CASK: variants seen among roughly 807,000 people sequenced by gnomAD.
CASK encodes calcium/calmodulin dependent serine protein kinase.
CASK carries 4 observed loss-of-function variants against 82.9 expected under a neutral mutation model. The observed-to-expected ratio is 0.05, with a 90% CI of 0.02 to 0.11. The LOEUF (loss-of-function observed/expected upper bound fraction) is 0.11, where lower values mean the gene tolerates loss of function less well. Ranked by LOEUF, CASK falls within the 10% of genes least tolerant of loss-of-function variation. CASK has a pLI of 1.00. For synonymous variants in CASK, 259 were observed against 253.5 expected, an observed-to-expected ratio of 1.02 and a Z score of -0.20; for missense variants, 358 against 720.9, an observed-to-expected ratio of 0.50 and a Z score of 5.76.
intron 12 of CASK, among the ~76,000 whole-genome samples, chrX:41,590,510 CAAAAAA>C (rs763695085): frequency 3.2e-5 from 1 of 31,321 alleles, no homozygotes; most frequent in Non-Finnish European, 5.3e-5. Flanking sequence ...ATTCCGTCTC[CAAAAAA>C]AAAAAAAAAA....
intron 1 of CASK, among the ~76,000 whole-genome samples, chrX:41,883,625 C>T (rs777153109): frequency 9.0e-6 from 1 of 111,664 alleles, no homozygotes; most frequent in South Asian, 3.8e-4. Context: ...AAAATATCGA[C>T]ATTTTTTGAC....
chrX:41,800,506 T>G (rs1220329104), intron 2 of CASK, among the ~76,000 whole-genome samples: 3 of 111,096 alleles, frequency 2.7e-5, no homozygotes, highest in Non-Finnish European at 5.7e-5. Flanking sequence ...TTTCTTTTCT[T>G]TTATTATTAT....
intron 3 of CASK, among the ~76,000 whole-genome samples, chrX:41,779,871 G>A (rs1209044279): frequency 9.1e-6 from 1 of 110,176 alleles, no homozygotes; most frequent in African/African-American, 3.3e-5. Flanking sequence ...TAAAAAAAGA[G>A]CTTTCAGTTT....
intron 16 of CASK, among the ~76,000 whole-genome samples, chrX:41,569,015 C>T (rs1001757951): frequency 7.2e-5 from 8 of 111,590 alleles, no homozygotes; most frequent in African/African-American, 2.6e-4. Context: ...CCACATCATT[C>T]TTTGTCTATT....
chrX:41,531,352 A>C, intron 24 of CASK, 143 bp from the exon 25 acceptor site: 1 of 533,306 alleles, frequency 1.9e-6, no homozygotes, highest in Non-Finnish European at 3.3e-6. Flanking sequence ...TCTCACCCCC[A>C]GTGGCTTTGC....
chrX:41,835,389 T>C (rs1043122552), intron 2 of CASK, among the ~76,000 whole-genome samples: 41 of 111,896 alleles, frequency 3.7e-4, no homozygotes, highest in African/African-American at 1.2e-3. Flanking sequence ...TTTTAAAAGC[T>C]GCTTTATTTC....
intron 1 of CASK, among the ~76,000 whole-genome samples, chrX:41,895,992 G>A (rs776213688): frequency 6.3e-5 from 7 of 111,832 alleles, no homozygotes; most frequent in Admixed American, 2.8e-4. Flanking sequence ...GAGGGCTTAA[G>A]TTACTCTCTG....
At chrX:41,757,081 C>T (rs1284871349) in intron 3 of CASK, among the ~76,000 whole-genome samples, 1 of 111,909 alleles carries the variant, frequency 8.9e-6, no homozygotes, top group African/African-American at 3.2e-5. Flanking sequence ...AGCCTATGTC[C>T]CCATCTTTCC....
chrX:41,878,225 T>C (rs185648087), intron 1 of CASK, among the ~76,000 whole-genome samples: 44 of 109,233 alleles, frequency 4.0e-4, no homozygotes, highest in African/African-American at 1.2e-3. Flanking sequence ...AATGAAAATA[T>C]GTGTGCCACA....
intron 18 of CASK, 69 bp downstream of exon 18, chrX:41,559,710 C>T: frequency 1.0e-6 from 1 of 960,778 alleles, no homozygotes; most frequent in East Asian, 3.1e-5. Flanking sequence ...AAAGCAAAAA[C>T]ATACAGCCAT....
intron 12 of CASK, among the ~76,000 whole-genome samples, chrX:41,607,174 G>C (rs2147272787): frequency 8.9e-6 from 1 of 112,566 alleles, no homozygotes; most frequent in African/African-American, 3.2e-5. Context: ...CTGAAATTGT[G>C]ACAATTTATA....
chrX:41,922,258 G>A (rs1006050274), intron 1 of CASK, among the ~76,000 whole-genome samples: 8 of 111,581 alleles, frequency 7.2e-5, no homozygotes, highest in Non-Finnish European at 1.3e-4. Flanking sequence ...AGACCAGCCC[G>A]GTGACTCAAA....
At chrX:41,606,664 A>G (rs1440028876) in intron 12 of CASK, among the ~76,000 whole-genome samples, 4 of 109,768 alleles carry the variant, frequency 3.6e-5, no homozygotes, top group Admixed American at 9.8e-5. Context: ...CATGTATGGC[A>G]CCTGTTTACA....
chrX:41,903,825 A>T (rs765357505), intron 1 of CASK, among the ~76,000 whole-genome samples: 3 of 112,233 alleles, frequency 2.7e-5, no homozygotes, highest in Admixed American at 1.9e-4. Context: ...CTACTGAGCA[A>T]CTGAAATGTG....
chrX:41,739,785 A>G (rs1435633096), intron 4 of CASK, among the ~76,000 whole-genome samples: 1 of 112,611 alleles, frequency 8.9e-6, no homozygotes, highest in Non-Finnish European at 1.9e-5. Flanking sequence ...TACTCAGGTA[A>G]TTCTACTTAA....
intron 5 of CASK, chrX:41,676,276 C>T: frequency 1.7e-6 from 2 of 1,194,892 alleles, no homozygotes; most frequent in Non-Finnish European, 2.2e-6. Flanking sequence ...GCTGTTTTTT[C>T]TCAGCACCTT....
At chrX:41,793,399 T>C (rs2069777681) in intron 2 of CASK, among the ~76,000 whole-genome samples, 1 of 111,884 alleles carries the variant, frequency 8.9e-6, no homozygotes, top group East Asian at 2.8e-4. Flanking sequence ...ATAGTTTTTA[T>C]ATATCCTAAG....
chrX:41,537,818 TTTATTA>T (rs55857120), intron 22 of CASK, among the ~76,000 whole-genome samples: 1,023 of 95,348 alleles, frequency 0.011, 9 homozygotes, highest in African/African-American at 0.024. Context: ...GCCTATTACT[TTTATTA>T]TTATTATTAT....
At chrX:41,796,079 G>A (rs1039322860) in intron 2 of CASK, among the ~76,000 whole-genome samples, 2 of 111,513 alleles carry the variant, frequency 1.8e-5, no homozygotes, top group African/African-American at 6.5e-5. Context: ...AAGATGACTG[G>A]TCACCCTACT....
Sources: allele counts gnomAD v4.1 joint callset (sites outside exome capture counted in the v4.1 genomes callset), GRCh38; gene constraint gnomAD v4.1.1; transcripts MANE v1.5; gene names NCBI Gene and HGNC (gene_info 2026-07-23, HGNC 2026-07-21).